Variants in CENPH observed in about 807,000 individuals in gnomAD.
CENPH encodes the protein CENP-H.
In CENPH, 40 loss-of-function variants were observed where a neutral mutation model predicts 42.9. The observed-to-expected ratio is 0.93, with a 90% CI of 0.72 to 1.21. CENPH has a LOEUF of 1.21. Among genes scored for constraint, CENPH ranks in the 50% most tolerant of loss-of-function variants. The pLI, the probability that CENPH is intolerant of heterozygous loss-of-function variation, is 0.00. For synonymous variants in CENPH, 88 were observed against 96.5 expected, an observed-to-expected ratio of 0.91 and a Z score of 0.52; for missense variants, 302 against 292.9, an observed-to-expected ratio of 1.03 and a Z score of -0.23.
At chr5:69,195,623 G>A (rs1662605382) in intron 3 of CENPH, 94 bp from the exon 4 acceptor site, 6 of 711,602 alleles carry the variant, frequency 8.4e-6, no homozygotes, top group Non-Finnish European at 1.5e-5. Context: ...AGATAGAGGT[G>A]TTTTACTTTT....
chr5:69,205,037 G>A (rs1445151187), intron 7 of CENPH, among the ~76,000 whole-genome samples: 1 of 150,222 alleles, frequency 6.7e-6, no homozygotes, highest in Non-Finnish European at 1.5e-5. Context: ...TCCGGTCTCA[G>A]CCTTCTGAGT....
At chr5:69,193,248 G>GT (rs1747908619) in intron 2 of CENPH, among the ~76,000 whole-genome samples, 1 of 151,790 alleles carries the variant, frequency 6.6e-6, no homozygotes, top group Admixed American at 6.6e-5. Flanking sequence ...TTAAAGGATT[G>GT]TTTTTTACAA....
rs1359375141 is a variant in CENPH at position 69,191,973 on chromosome 5, C to G, written c.190+123C>G. On this transcript the variant is annotated intron_variant, in intron 2 of 8. Transcript: ENST00000283006. ...AGTCTCTGGTTTACTGCAGCCTCAG[C>G]CTCCTGGGCTCCAGCAATCCTCCCA... 5 of 546,838 alleles carry G rather than the reference C, an allele frequency of 9.1e-6. No individual in the cohort carries two copies. The Admixed American group carries it at 1.8e-4, about 19-fold the overall frequency. 33.9% of individuals were successfully genotyped at this position (546,838 alleles called of 1,614,324 possible).
chr5:69,189,622 C>A lies in CENPH; in HGVS notation c.-13C>A. On this transcript the variant is annotated 5_prime_UTR_variant, in exon 1 of 9. Transcript: ENST00000283006. ...TTTGCCTGTTGAGTGGTAGCCTTTC[C>A]CCTCAACCAGCAATGGAGGAGCAGC... 6.3e-7 allele frequency: 1 copy of A among 1,593,288 alleles called. No individual in the cohort carries two copies.
chr5:69,199,735 G>A (rs1748027277), intron 5 of CENPH, among the ~76,000 whole-genome samples: 1 of 152,076 alleles, frequency 6.6e-6, no homozygotes, highest in Non-Finnish European at 1.5e-5. Context: ...AGACTGGGAG[G>A]GTCAGTTTCT....
chr5:69,197,082 A>C lies in CENPH; in HGVS notation c.344A>C (p.Asn115Thr). Residue 115 changes from asparagine to threonine, a missense_variant, in exon 5 of 9, where the codon AAC becomes ACC. Asn to Thr is a moderately conservative substitution (Grantham distance 65). Coordinates refer to ENST00000283006, the MANE Select transcript of CENPH (RefSeq NM_022909.4). Reference protein sequence around the residue: ...RMRLSTALKKNLEKISRQSSV... With the variant: ...RMRLSTALKKTLEKISRQSSV... The stretch of plus-strand genomic sequence containing the variant: ...AGACTTTCAACTGCACTTAAAAAAA[A>C]CCTGGAGAAAATTAGCAGACAGTCT... The C allele has an allele frequency of 1.9e-6, 3 of 1,581,622 alleles. No individual in the cohort carries two copies. Among genetic ancestry groups the C allele is most frequent in the South Asian group, 1.2e-5 (1 of 84,162 alleles).
chr5:69,194,561 C>A (rs926481532), intron 2 of CENPH, 86 bp from the exon 3 acceptor site: 26 of 707,822 alleles, frequency 3.7e-5, no homozygotes, highest in African/African-American at 3.5e-4. Context: ...TAAATGATGT[C>A]TTTTGCCCTT....
chr5:69,197,230 G>GAA, intron 5 of CENPH, 121 bp downstream of exon 5: 1 of 527,660 alleles, frequency 1.9e-6, no homozygotes, highest in Non-Finnish European at 3.2e-6. Flanking sequence ...GGAAAGTGAT[G>GAA]AAATTTTTGT....
intron 5 of CENPH, among the ~76,000 whole-genome samples, chr5:69,201,781 C>T (rs866180480): frequency 3.9e-5 from 6 of 152,252 alleles, no homozygotes; most frequent in African/African-American, 1.4e-4. Context: ...ATCGCTTGAG[C>T]CCAGGAGGTG....
intron 5 of CENPH, among the ~76,000 whole-genome samples, chr5:69,198,371 C>A (rs995211926): frequency 6.6e-6 from 1 of 151,796 alleles, no homozygotes; most frequent in Non-Finnish European, 1.5e-5. Flanking sequence ...CTCACTCCAA[C>A]CTCCATCTCT....
At chr5:69,203,761 C>A (rs1338328874) in intron 7 of CENPH, among the ~76,000 whole-genome samples, 1 of 151,818 alleles carries the variant, frequency 6.6e-6, no homozygotes, top group Non-Finnish European at 1.5e-5. Context: ...CCTTGGCCTC[C>A]CAAAGTGCTG....
chr5:69,205,557 G>T (rs1748140786), intron 7 of CENPH, among the ~76,000 whole-genome samples: 1 of 151,534 alleles, frequency 6.6e-6, no homozygotes, highest in South Asian at 2.1e-4. Context: ...GTCTTGTTCT[G>T]TTACTCAGGC....
chr5:69,202,462 G>T, intron 5 of CENPH, 44 bp from the exon 6 acceptor site: 1 of 1,132,328 alleles, frequency 8.8e-7, no homozygotes, highest in Non-Finnish European at 1.3e-6. Flanking sequence ...TTTTAATTAA[G>T]TTACAAATAA....
At chr5:69,190,544 T>C (rs1257433817) in intron 1 of CENPH, among the ~76,000 whole-genome samples, 1 of 152,018 alleles carries the variant, frequency 6.6e-6, no homozygotes, top group Non-Finnish European at 1.5e-5. Flanking sequence ...AGAAAAAAAT[T>C]TGCGGTCCTC....
rs750194460 is a variant in CENPH, at chr5:69,194,659, C to G, written c.203C>G (p.Thr68Ser). 1.3e-6 allele frequency: 2 copies of G among 1,589,290 alleles called. No homozygotes were observed. The highest frequency in any genetic ancestry group is 1.1e-5 in the South Asian group (1 of 87,358). The change falls in exon 3 of 9, where the codon ACT becomes AGT. Residue 68 changes from threonine to serine, a missense_variant. By Grantham distance (58) the Thr-to-Ser change is moderately conservative (BLOSUM62 1). Coordinates refer to ENST00000283006, the MANE Select transcript of CENPH (RefSeq NM_022909.4). ...TATTTATTTGCAGGTGAAGAAAAAACTCCAGAACAAATTATGCAAGAAAAG... is the reference window on the plus strand; with the variant it reads ...TATTTATTTGCAGGTGAAGAAAAAAGTCCAGAACAAATTATGCAAGAAAAG... ...KSMVDASEEK[T>S]PEQIMQEKQI...
At chr5:69,198,789 G>A (rs1056000894) in intron 5 of CENPH, among the ~76,000 whole-genome samples, 3 of 151,962 alleles carry the variant, frequency 2.0e-5, no homozygotes, top group African/African-American at 7.3e-5. Context: ...TTAAAAATTA[G>A]CCAGGCATGG....
intron 8 of CENPH, among the ~76,000 whole-genome samples, chr5:69,209,202 A>G (rs1748208706): frequency 6.6e-6 from 1 of 152,200 alleles, no homozygotes; most frequent in African/African-American, 2.4e-5. Context: ...GATCAAGGCT[A>G]AAGCCTTACT....
intron 5 of CENPH, among the ~76,000 whole-genome samples, chr5:69,199,121 CAAAG>C (rs1329959130): frequency 6.6e-6 from 1 of 151,976 alleles, no homozygotes; most frequent in African/African-American, 2.4e-5. Flanking sequence ...GTACTGTAGC[CAAAG>C]AGAGGGGAGA....
intron 5 of CENPH, among the ~76,000 whole-genome samples, chr5:69,199,464 C>T (rs1748023694): frequency 6.6e-6 from 1 of 152,144 alleles, no homozygotes; most frequent in African/African-American, 2.4e-5. Context: ...GTGTGAACCA[C>T]CACACCCTGC....
Sources: allele counts gnomAD v4.1 joint callset (sites outside exome capture counted in the v4.1 genomes callset), GRCh38; gene constraint gnomAD v4.1.1; transcripts MANE v1.5; gene names NCBI Gene and HGNC (gene_info 2026-07-23, HGNC 2026-07-21).